BIRC6: variants seen among roughly 807,000 people sequenced by gnomAD.
The protein encoded by BIRC6 is dual E2 ubiquitin-conjugating enzyme/E3 ubiquitin-protein ligase BIRC6.
A neutral mutation model predicts 503.3 loss-of-function variants in BIRC6; 98 were observed. The ratio of observed to expected loss-of-function variants is 0.19; its 90% CI spans 0.17 to 0.23. The LOEUF is 0.23. Among genes scored for constraint, BIRC6 ranks in the 10% least tolerant of loss-of-function variants. BIRC6 has a pLI of 1.00. For synonymous variants in BIRC6, 2,240 were observed against 2,078.7 expected (o/e 1.08, Z -2.11); for missense variants, 5,360 against 5,806.0 (o/e 0.92, Z 2.50).
At chr2:32,555,336 C>T (rs1275847717) in intron 65 of BIRC6, among the ~76,000 whole-genome samples, 1 of 152,074 alleles carries the variant, frequency 6.6e-6, no homozygotes, top group Non-Finnish European at 1.5e-5. Flanking sequence ...AGTGAGACTT[C>T]ATCTCTATTA....
At chr2:32,401,406 A>G (rs1194736594) in intron 7 of BIRC6, 21 bp downstream of exon 7, 1 of 1,612,896 alleles carries the variant, frequency 6.2e-7, no homozygotes, top group African/African-American at 1.3e-5. Context: ...ATTTTGAAGT[A>G]ACAAATTAGT....
rs2061762254 is a variant in BIRC6, at chr2:32,597,668, A to C, written c.13613-83A>C. ...TGGAAGTTCTCTCCAGTTGAGTGGG[A>C]GAAGGACTAGTGATTGTTTGTGATT... is the stretch of plus-strand genomic sequence containing the variant. On this transcript the variant is annotated intron_variant, in intron 68 of 73. Transcript: ENST00000421745. The C allele has an allele frequency of 1.1e-5, 11 of 984,454 alleles. No individual in the cohort carries two copies. The South Asian group carries it at 1.5e-4, about 14-fold the overall frequency. 61.0% of individuals were successfully genotyped at this position (984,454 alleles called of 1,614,324 possible). A position where few individuals can be genotyped will look rare whatever the true frequency, so the allele number is the denominator to read the frequency against.
intron 1 of BIRC6, among the ~76,000 whole-genome samples, chr2:32,369,942 A>C (rs2035577662): frequency 2.9e-5 from 1 of 34,306 alleles, no homozygotes; most frequent in Non-Finnish European, 4.9e-5. Flanking sequence ...AAAAAAAAAA[A>C]AAAATATATA....
rs570853275 is a variant in BIRC6, at chr2:32,499,653, G to A, written c.8575G>A (p.Val2859Met). The A allele has an allele frequency of 5.6e-6, 9 of 1,613,882 alleles. No individual in the cohort carries two copies. Among genetic ancestry groups the A allele is most frequent in the African/African-American group, 2.7e-5 (2 of 75,002 alleles). Residue 2859 changes from valine (V) to methionine (M), a missense_variant, in exon 46 of 74, where the codon GTG becomes ATG. By Grantham distance (21) the Val-to-Met change is conservative. This residue lies in a region of BIRC6 where 2,299 missense variants were observed against 2,267.2 expected (regional missense o/e 1.01). Transcript: ENST00000421745. Reference protein sequence around the residue: ...EVVSVSTISAVIESVTFLVHH... With the variant: ...EVVSVSTISAMIESVTFLVHH... ...CGTTTCAGTTAGTACTATTTCTGCCGTGATAGAATCGGTTACATTTTTAGT... is the reference window on the plus strand; with the variant it reads ...CGTTTCAGTTAGTACTATTTCTGCCATGATAGAATCGGTTACATTTTTAGT...
At chr2:32,473,086 T>G (rs754769878) in intron 32 of BIRC6, 26 bp from the exon 33 acceptor site, 2 of 1,533,058 alleles carry the variant, frequency 1.3e-6, no homozygotes, top group Admixed American at 4.4e-5. Context: ...ACAGAATTAT[T>G]AATACAAGTT....
chr2:32,476,544 C>T (rs1458962975), intron 34 of BIRC6, among the ~76,000 whole-genome samples, 200 bp downstream of exon 34: 1 of 151,996 alleles, frequency 6.6e-6, no homozygotes, highest in African/African-American at 2.4e-5. Context: ...AATGTATTAC[C>T]TTCATTGTGG....
chr2:32,467,873 T>A (rs1160695349), intron 27 of BIRC6, 30 bp from the exon 28 acceptor site: 1 of 1,544,640 alleles, frequency 6.5e-7, no homozygotes, highest in Non-Finnish European at 8.8e-7. Context: ...CAGATGTGTA[T>A]ATATGTATAT....
chr2:32,450,070 C>T (rs1455935668), intron 22 of BIRC6, among the ~76,000 whole-genome samples: 1 of 152,112 alleles, frequency 6.6e-6, no homozygotes, highest in East Asian at 1.9e-4. Context: ...CCAAAAGAAG[C>T]AGTGAAATCT....
At chr2:32,571,850 C>G (rs1038670512) in intron 65 of BIRC6, among the ~76,000 whole-genome samples, 1 of 152,092 alleles carries the variant, frequency 6.6e-6, no homozygotes, top group African/African-American at 2.4e-5. Flanking sequence ...CTTTCTGATG[C>G]AGGCTTTTAA....
At chr2:32,540,050 A>T (rs2057538412) in intron 61 of BIRC6, among the ~76,000 whole-genome samples, 1 of 152,102 alleles carries the variant, frequency 6.6e-6, no homozygotes, top group African/African-American at 2.4e-5. Flanking sequence ...TAATGGATAA[A>T]TTCCTTGAAA....
At chr2:32,515,826 T>C (rs1347108900) in intron 55 of BIRC6, 56 bp downstream of exon 55, 11 of 1,452,442 alleles carry the variant, frequency 7.6e-6, no homozygotes, top group East Asian at 4.8e-5. Flanking sequence ...GAAAGGGCCA[T>C]GTATAAAGGC....
chr2:32,490,561 C>T (rs2051576809), intron 43 of BIRC6, among the ~76,000 whole-genome samples: 1 of 152,078 alleles, frequency 6.6e-6, no homozygotes, highest in African/African-American at 2.4e-5. Context: ...GTTTTTTCTT[C>T]TAACATGTCT....
chr2:32,411,203 T>A, intron 9 of BIRC6, among the ~76,000 whole-genome samples: 1 of 151,402 alleles, frequency 6.6e-6, no homozygotes, highest in East Asian at 2.0e-4. Context: ...CACGCTTGGC[T>A]AATTTTGTAT....
intron 65 of BIRC6, 34 bp from the exon 66 acceptor site, chr2:32,575,122 G>T (rs2151032863): frequency 6.3e-7 from 1 of 1,598,892 alleles, no homozygotes; most frequent in Non-Finnish European, 8.6e-7. Context: ...TTGTACATTT[G>T]CTCATTTTGT....
At chr2:32,458,683 CTTTTTTTTT>C (rs1166608470) in intron 23 of BIRC6, among the ~76,000 whole-genome samples, 19 of 89,472 alleles carry the variant, frequency 2.1e-4, no homozygotes, top group African/African-American at 9.4e-4. Flanking sequence ...ACTCTATTGC[CTTTTTTTTT>C]TTTTTTTTTT....
intron 5 of BIRC6, 94 bp from the exon 6 acceptor site, chr2:32,395,417 A>T: frequency 1.0e-6 from 1 of 981,858 alleles, no homozygotes; most frequent in Non-Finnish European, 1.5e-6. Flanking sequence ...ATAGAATTTT[A>T]CTTAAAATTA....
At chr2:32,560,674 A>C (rs1413274784) in intron 65 of BIRC6, among the ~76,000 whole-genome samples, 3 of 151,970 alleles carry the variant, frequency 2.0e-5, no homozygotes, top group African/African-American at 7.3e-5. Context: ...TTCAATTCTT[A>C]GGCTCAAACA....
intron 61 of BIRC6, among the ~76,000 whole-genome samples, chr2:32,540,508 G>T (rs1326818003): frequency 2.0e-5 from 3 of 151,228 alleles, no homozygotes; most frequent in Non-Finnish European, 3.0e-5. Flanking sequence ...AAATTTCTTT[G>T]TTGTTAATTG....
chr2:32,399,066 T>G (rs773885612), intron 6 of BIRC6, among the ~76,000 whole-genome samples: 2 of 152,078 alleles, frequency 1.3e-5, no homozygotes, highest in African/African-American at 2.4e-5. Flanking sequence ...GAAACATTTA[T>G]TTTTAAAATT....
Sources: allele counts gnomAD v4.1 joint callset (sites outside exome capture counted in the v4.1 genomes callset), GRCh38; gene constraint gnomAD v4.1.1; regional missense constraint gnomAD v4.1.1; transcripts MANE v1.5; gene names NCBI Gene and HGNC (gene_info 2026-07-23, HGNC 2026-07-21).